CCDC148: variants seen among roughly 807,000 people sequenced by gnomAD.
CCDC148 encodes the protein coiled-coil domain-containing protein 148.
A neutral mutation model predicts 85.7 loss-of-function variants in CCDC148; 89 were observed. The ratio of observed to expected loss-of-function variants is 1.04; its 90% CI spans 0.87 to 1.24. The LOEUF (loss-of-function observed/expected upper bound fraction) is 1.24, where lower values mean the gene tolerates loss of function less well. Ranked by LOEUF, CCDC148 falls within the 50% of genes most tolerant of loss-of-function variation. The probability of loss-of-function intolerance (pLI) is 0.00; values close to 1 mark genes in which losing one functional copy is unlikely to be tolerated. For synonymous variants in CCDC148, 230 were observed against 213.9 expected (o/e 1.08, Z -0.66); for missense variants, 692 against 671.7 (o/e 1.03, Z -0.33).
chr2:158,225,685 C>A (rs540148046), intron 10 of CCDC148, among the ~76,000 whole-genome samples: 18 of 152,326 alleles, frequency 1.2e-4, no homozygotes, highest in African/African-American at 4.3e-4. Flanking sequence ...GGAAACTGAA[C>A]AATTCGCTCC....
At position 158,172,111 on chromosome 2, in the gene CCDC148, C is replaced by A; in HGVS notation, c.*2G>T. 1 of 1,585,236 alleles carries A rather than the reference C, an allele frequency of 6.3e-7. No homozygotes were observed. The stretch of plus-strand genomic sequence containing the variant: ...TTTACATATAGAATTTGAGGATGAG[C>A]TCTATATTTTAAATACAGTAGACTC... On this transcript the variant is annotated 3_prime_UTR_variant, in exon 14 of 14. Coordinates refer to ENST00000283233, the MANE Select transcript of CCDC148 (RefSeq NM_138803.4).
intron 2 of CCDC148, 43 bp from the exon 3 acceptor site, chr2:158,345,361 A>G (rs1413906512): frequency 7.3e-7 from 1 of 1,370,006 alleles, no homozygotes; most frequent in East Asian, 2.4e-5. Context: ...CAAAGTTTTC[A>G]GAATGTGTTT....
At chr2:158,198,626 C>T (rs570487065) in intron 11 of CCDC148, among the ~76,000 whole-genome samples, 1 of 152,184 alleles carries the variant, frequency 6.6e-6, no homozygotes, top group African/African-American at 2.4e-5. Flanking sequence ...GACTTTTTGG[C>T]TGATATCTTC....
At chr2:158,305,079 C>A (rs544364481) in intron 9 of CCDC148, among the ~76,000 whole-genome samples, 2 of 152,050 alleles carry the variant, frequency 1.3e-5, no homozygotes, top group African/African-American at 4.8e-5. Flanking sequence ...GAGCAGAGAA[C>A]GCATCCTATG....
At chr2:158,212,165 A>G (rs1686615480) in intron 11 of CCDC148, among the ~76,000 whole-genome samples, 1 of 152,234 alleles carries the variant, frequency 6.6e-6, no homozygotes. Flanking sequence ...TTAATGGTTC[A>G]CAGTGATCTT....
chr2:158,370,127 T>A (rs1245265312), intron 1 of CCDC148, among the ~76,000 whole-genome samples: 1 of 152,038 alleles, frequency 6.6e-6, no homozygotes, highest in African/African-American at 2.4e-5. Flanking sequence ...GAGGTTGGCC[T>A]GTCAGGGGGT....
At chr2:158,186,384 T>C (rs188939635) in intron 11 of CCDC148, among the ~76,000 whole-genome samples, 12 of 152,188 alleles carry the variant, frequency 7.9e-5, no homozygotes, top group Admixed American at 1.3e-4. Flanking sequence ...TCTGGGGTCA[T>C]GGCATAGACT....
intron 1 of CCDC148, among the ~76,000 whole-genome samples, chr2:158,448,462 C>CTCAG (rs927863940): frequency 6.6e-6 from 1 of 152,002 alleles, no homozygotes; most frequent in Non-Finnish European, 1.5e-5. Context: ...ATCCTCCCAC[C>CTCAG]TCAGACCCCT....
rs1188473977 is a variant in CCDC148 at position 158,215,247 on chromosome 2, T to G, written c.1370+5348A>C. 3.3e-5 allele frequency among the ~76,000 whole-genome samples: 5 copies of G among 152,240 alleles called. No individual in the cohort carries two copies. The South Asian group carries it at 6.2e-4, about 19-fold the overall frequency. ...GAACAATTTAGCTCATATCACTCAT[T>G]AAAATAAGTTCCAGATGGCTACAGA... On this transcript the variant is annotated intron_variant, in intron 11 of 13. Transcript: ENST00000283233.
intron 1 of CCDC148, among the ~76,000 whole-genome samples, chr2:158,377,972 C>T (rs912114188): frequency 6.6e-6 from 1 of 152,038 alleles, no homozygotes; most frequent in Non-Finnish European, 1.5e-5. Flanking sequence ...ATTAATAACC[C>T]TACAATGTCC....
intron 1 of CCDC148, among the ~76,000 whole-genome samples, chr2:158,370,401 A>G (rs1427246752): frequency 6.6e-6 from 1 of 152,130 alleles, no homozygotes; most frequent in Non-Finnish European, 1.5e-5. Context: ...CATGATATTG[A>G]TTATAAAATA....
intron 10 of CCDC148, among the ~76,000 whole-genome samples, chr2:158,232,605 T>C (rs1687906968): frequency 6.6e-6 from 1 of 152,200 alleles, no homozygotes; most frequent in Non-Finnish European, 1.5e-5. Context: ...CACGCTTGTG[T>C]GATGTTGAAT....
At chr2:158,338,051 C>T (rs191554531) in intron 7 of CCDC148, among the ~76,000 whole-genome samples, 78 of 152,200 alleles carry the variant, frequency 5.1e-4, no homozygotes, top group Non-Finnish European at 3.2e-4. Flanking sequence ...TGTTTCCCTA[C>T]AAAATGTCCC....
chr2:158,226,100 C>A lies in CCDC148; in HGVS notation c.1252-5387G>T, dbSNP rs921249942. Among the ~76,000 whole-genome samples the A allele has an allele frequency of 1.1e-4, 16 of 152,138 alleles. No individual in the cohort carries two copies. The South Asian group carries it at 3.1e-3, about 30-fold the overall frequency. On this transcript the variant is annotated intron_variant, in intron 10 of 13. Coordinates refer to ENST00000283233, the MANE Select transcript of CCDC148 (RefSeq NM_138803.4). ...AAAAGAGAGAAGAATCAAATAGACG[C>A]AATAAAAAATGATAAAGGGGATATC... is the stretch of plus-strand genomic sequence containing the variant.
intron 1 of CCDC148, among the ~76,000 whole-genome samples, chr2:158,373,254 G>C (rs1472217867): frequency 6.6e-6 from 1 of 151,984 alleles, no homozygotes; most frequent in East Asian, 1.9e-4. Flanking sequence ...GCTAGAAAAG[G>C]AAAGGAAACA....
At chr2:158,311,278 C>T (rs185393251) in intron 8 of CCDC148, among the ~76,000 whole-genome samples, 5 of 152,186 alleles carry the variant, frequency 3.3e-5, no homozygotes, top group South Asian at 2.1e-4. Flanking sequence ...GAGACCAGCC[C>T]GGCCAACACG....
At chr2:158,342,568 A>G (rs1682768645) in intron 3 of CCDC148, among the ~76,000 whole-genome samples, 1 of 152,208 alleles carries the variant, frequency 6.6e-6, no homozygotes, top group African/African-American at 2.4e-5. Flanking sequence ...CCAGAAAGTC[A>G]TAACAGAGCA....
At chr2:158,211,085 G>C (rs995218105) in intron 11 of CCDC148, among the ~76,000 whole-genome samples, 3 of 151,868 alleles carry the variant, frequency 2.0e-5, no homozygotes, top group South Asian at 2.1e-4. Context: ...ATCTAATGTA[G>C]ACGGTGGGTT....
chr2:158,427,484 T>C (rs1447049741), intron 1 of CCDC148, among the ~76,000 whole-genome samples: 1 of 152,132 alleles, frequency 6.6e-6, no homozygotes, highest in Non-Finnish European at 1.5e-5. Flanking sequence ...CTATAGATAT[T>C]ATAAATAGGA....
Sources: allele counts gnomAD v4.1 joint callset (sites outside exome capture counted in the v4.1 genomes callset), GRCh38; gene constraint gnomAD v4.1.1; transcripts MANE v1.5; gene names NCBI Gene and HGNC (gene_info 2026-07-23, HGNC 2026-07-21).